XKR4: variants seen among roughly 807,000 people sequenced by gnomAD.
XKR4 encodes the protein XK-related protein 4.
A neutral mutation model predicts 53.9 loss-of-function variants in XKR4; 12 were observed. That is an observed-to-expected ratio of 0.22 (90% CI 0.14 to 0.36). The LOEUF is 0.36. Among genes scored for constraint, XKR4 ranks in the 10% least tolerant of loss-of-function variants. The pLI, the probability that XKR4 is intolerant of heterozygous loss-of-function variation, is 1.00. For missense variants in XKR4, 799 were observed against 859.5 expected (o/e 0.93, Z 0.88); for synonymous variants, 354 against 362.4 (o/e 0.98, Z 0.26).
intron 2 of XKR4, among the ~76,000 whole-genome samples, chr8:55,490,876 A>G (rs954454656): frequency 2.0e-5 from 3 of 152,000 alleles, no homozygotes; most frequent in South Asian, 2.1e-4. Context: ...CTTGGTTTAC[A>G]GTTTCCTCAA....
intron 2 of XKR4, among the ~76,000 whole-genome samples, chr8:55,373,172 T>C (rs1016307010): frequency 6.6e-6 from 1 of 152,050 alleles, no homozygotes; most frequent in Admixed American, 6.6e-5. Context: ...ACAAAAACTT[T>C]TGGGGTTTTT....
chr8:55,282,138 A>C (rs556299143), intron 1 of XKR4, among the ~76,000 whole-genome samples: 1 of 152,320 alleles, frequency 6.6e-6, no homozygotes, highest in African/African-American at 2.4e-5. Flanking sequence ...GCAGGGTATT[A>C]TCCTGGTTCC....
At chr8:55,455,822 C>T (rs533335095) in intron 2 of XKR4, among the ~76,000 whole-genome samples, 1 of 152,160 alleles carries the variant, frequency 6.6e-6, no homozygotes, top group Non-Finnish European at 1.5e-5. Context: ...ACACAAAGAT[C>T]AGTCATCAGG....
rs1050134859 is a variant in XKR4 at position 55,529,760 on chromosome 8, G to T, written c.*5533G>T. 5.9e-5 allele frequency: 9 copies of T among 152,118 alleles called. No individual in the cohort carries two copies. The highest frequency in any genetic ancestry group is 1.2e-4 in the Non-Finnish European group (8 of 68,008). 9.4% of individuals were successfully genotyped at this position (152,118 alleles called of 1,614,324 possible). On this transcript the variant is annotated 3_prime_UTR_variant, in exon 3 of 3. Transcript: ENST00000327381. ...TTCAGAAGAAACAGAATCATGGTCTGATGATCAAATTTTTCCAAGAAAATT... is the reference window on the plus strand; with the variant it reads ...TTCAGAAGAAACAGAATCATGGTCTTATGATCAAATTTTTCCAAGAAAATT...
chr8:55,496,878 A>C (rs112407578), intron 2 of XKR4, among the ~76,000 whole-genome samples: 2 of 152,352 alleles, frequency 1.3e-5, no homozygotes, highest in African/African-American at 4.8e-5. Flanking sequence ...GAATTTATTC[A>C]ATATATCTGA....
chr8:55,268,681 A>C (rs1177829767), intron 1 of XKR4, among the ~76,000 whole-genome samples: 1 of 152,192 alleles, frequency 6.6e-6, no homozygotes, highest in Non-Finnish European at 1.5e-5. Flanking sequence ...TTTGTTGGGC[A>C]CTTAAAATGA....
rs1388247206 is a variant in XKR4, at chr8:55,539,657, A to T, written c.*15430A>T. Reference sequence around the variant, plus strand: ...ACTAATACTATGAGAATAGTAAGTGAGTCAAAAAATAATTGGGACTGTCCT... The same window carrying T: ...ACTAATACTATGAGAATAGTAAGTGTGTCAAAAAATAATTGGGACTGTCCT... On this transcript the variant is annotated 3_prime_UTR_variant, in exon 3 of 3. Transcript: ENST00000327381. The T allele has an allele frequency of 6.6e-6, 1 of 152,212 alleles. No individual in the cohort carries two copies. The highest frequency in any genetic ancestry group is 1.5e-5 in the Non-Finnish European group (1 of 68,040). The allele number at this position is 152,212 out of a possible 1,614,324, so 9.4% of individuals were successfully genotyped here.
chr8:55,168,387 A>G lies in XKR4; in HGVS notation c.806+65093A>G, dbSNP rs115828862. Among the ~76,000 whole-genome samples, 989 of 152,216 alleles carry G rather than the reference A, an allele frequency of 6.5e-3. 10 individuals carry two copies. Among genetic ancestry groups the G allele is most frequent in the African/African-American group, 0.023 (935 of 41,512 alleles). On this transcript the variant is annotated intron_variant, in intron 1 of 2. Coordinates refer to ENST00000327381, the MANE Select transcript of XKR4 (RefSeq NM_052898.2). ...TCCAATATCATCTGTCAAATCCTTC[A>G]TCCTGTTTTGTTTCATTCTAAAGTA...
At chr8:55,387,923 C>T (rs1321565999) in intron 2 of XKR4, among the ~76,000 whole-genome samples, 12 of 152,114 alleles carry the variant, frequency 7.9e-5, no homozygotes. Flanking sequence ...ATGAGCAGGT[C>T]GTGACTTAAG....
intron 2 of XKR4, among the ~76,000 whole-genome samples, chr8:55,459,648 C>T (rs1405511135): frequency 6.6e-6 from 1 of 151,452 alleles, no homozygotes; most frequent in Non-Finnish European, 1.5e-5. Context: ...AAACCAAAAA[C>T]ACATACACAG....
In XKR4 at chr8:55,475,260, C is replaced by G. The variant is rs1016916690; in HGVS notation, c.1007-48021C>G. Among the ~76,000 whole-genome samples the G allele has an allele frequency of 1.5e-4, 23 of 152,184 alleles. 1 individual carries two copies. Among genetic ancestry groups the G allele is most frequent in the African/African-American group, 5.5e-4 (23 of 41,464 alleles). On this transcript the variant is annotated intron_variant, in intron 2 of 2. Transcript: ENST00000327381. Reference sequence around the variant, plus strand: ...AATGTTAGGTAGAATAATAGCCGCACTATATGTGATGGCCCAGGGTTGTGG... The same window carrying G: ...AATGTTAGGTAGAATAATAGCCGCAGTATATGTGATGGCCCAGGGTTGTGG...
intron 1 of XKR4, among the ~76,000 whole-genome samples, chr8:55,250,864 T>C (rs1225465867): frequency 6.6e-6 from 1 of 152,208 alleles, no homozygotes; most frequent in Non-Finnish European, 1.5e-5. Context: ...CTTAAAACCA[T>C]GGAAAACCCT....
rs10088411 is a variant in XKR4 at position 55,366,194 on chromosome 8, C to T, written c.1006+8317C>T. Reference sequence around the variant, plus strand: ...ACCTCCCACCAGTGCCACCTATTGGCAGAACCCACCGGGCAGCCAGCCAGT... The same window carrying T: ...ACCTCCCACCAGTGCCACCTATTGGTAGAACCCACCGGGCAGCCAGCCAGT... On this transcript the variant is annotated intron_variant, in intron 2 of 2. Coordinates refer to ENST00000327381, the MANE Select transcript of XKR4 (RefSeq NM_052898.2). Among the ~76,000 whole-genome samples, 384 of 152,308 alleles carry T rather than the reference C, an allele frequency of 2.5e-3. 1 individual carries two copies. Among genetic ancestry groups the T allele is most frequent in the Non-Finnish European group, 3.9e-3 (267 of 68,030 alleles).
chr8:55,346,090 T>C (rs1803635551), intron 1 of XKR4, among the ~76,000 whole-genome samples: 1 of 150,856 alleles, frequency 6.6e-6, no homozygotes, highest in Non-Finnish European at 1.5e-5. Context: ...TCTTTTTTTT[T>C]TTTTTTCTTT....
intron 1 of XKR4, among the ~76,000 whole-genome samples, chr8:55,291,473 G>A (rs953306058): frequency 3.3e-5 from 5 of 152,106 alleles, no homozygotes; most frequent in Non-Finnish European, 7.4e-5. Context: ...TCTTTACTAT[G>A]CTGACTCTCC....
Position 55,524,164 on chromosome 8 carries a change from A to C in XKR4, c.1890A>C (p.Pro630=), listed in dbSNP as rs772235614. The change falls in exon 3 of 3, where the codon CCA becomes CCC. Residue 630 remains proline, a synonymous_variant. Transcript: ENST00000327381. Reference sequence around the variant, plus strand: ...CTTTTGAATGTTCCCCATCTCCTCCAAGGCTGCAGTACAAAGATGATGCCC... The same window carrying C: ...CTTTTGAATGTTCCCCATCTCCTCCCAGGCTGCAGTACAAAGATGATGCCC... The part of the protein sequence containing the change: ...ILAFECSPSP[P]RLQYKDDALI... 6.2e-7 allele frequency: 1 copy of C among 1,614,208 alleles called. No individual in the cohort carries two copies. The highest frequency in any genetic ancestry group is 8.5e-7 in the Non-Finnish European group (1 of 1,180,026).
chr8:55,170,102 G>T (rs1817137083), intron 1 of XKR4, among the ~76,000 whole-genome samples: 1 of 152,040 alleles, frequency 6.6e-6, no homozygotes. Context: ...TCAACCAAAA[G>T]TTCACAGCAT....
intron 2 of XKR4, among the ~76,000 whole-genome samples, chr8:55,460,912 A>G (rs943220584): frequency 2.6e-5 from 4 of 152,232 alleles, no homozygotes; most frequent in Non-Finnish European, 5.9e-5. Flanking sequence ...TCAAACTGCA[A>G]GGTGGCAGCG....
At chr8:55,135,585 C>T in intron 1 of XKR4, 1 of 456,080 alleles carries the variant, frequency 2.2e-6, no homozygotes, top group Middle Eastern at 3.3e-4. Flanking sequence ...TTGCTTTCTG[C>T]TTTCTCTGTC....
Sources: gnomAD v4.1 joint callset for allele counts (sites outside exome capture counted in the v4.1 genomes callset) on GRCh38, gnomAD v4.1.1 for gene constraint, MANE v1.5 for transcripts, NCBI Gene and HGNC (gene_info 2026-07-23, HGNC 2026-07-21) for gene names.